The following SMPD4 variants were observed in gnomAD, a reference collection of about 807,000 sequenced individuals.
SMPD4 encodes the protein sphingomyelin phosphodiesterase 4, also known as neutral sphingomyelinase 3.
SMPD4 carries 58 observed loss-of-function variants against 97.8 expected under a neutral mutation model. The observed-to-expected ratio is 0.59, with a 90% CI of 0.48 to 0.74. The LOEUF is 0.74. Ranked by LOEUF, SMPD4 falls within the 30% of genes least tolerant of loss-of-function variation. The pLI, the probability that SMPD4 is intolerant of heterozygous loss-of-function variation, is 0.00. For missense variants in SMPD4, 853 were observed against 1,080.5 expected (o/e 0.79, Z 2.95); for synonymous variants, 388 against 450.0 (o/e 0.86, Z 1.74).
intron 3 of SMPD4, among the ~76,000 whole-genome samples, chr2:130,173,908 G>C (rs1558763100): frequency 6.6e-6 from 1 of 151,390 alleles, no homozygotes; most frequent in Non-Finnish European, 1.5e-5. Context: ...AAGTAAGTCA[G>C]CCTCCGATCA....
intron 17 of SMPD4, 125 bp downstream of exon 17, chr2:130,153,577 C>G (rs1338083209): frequency 6.4e-7 from 1 of 1,564,248 alleles, no homozygotes; most frequent in Non-Finnish European, 8.7e-7. Flanking sequence ...GGGCCTGCCT[C>G]CCACAACACT....
At chr2:130,181,692 C>A (rs1377200406), upstream of SMPD4, 1 of 1,548,474 alleles carries the variant, frequency 6.5e-7, no homozygotes, top group Non-Finnish European at 8.7e-7. Context: ...GTGCGCAAAG[C>A]GAAGGCCGGC....
intron 8 of SMPD4, among the ~76,000 whole-genome samples, chr2:130,170,037 C>CAAAAAAAAAAA (rs75700996): frequency 9.4e-6 from 1 of 106,472 alleles, no homozygotes. Context: ...CATATCTCCG[C>CAAAAAAAAAAA]AAAAAAAAAA....
chr2:130,176,663 C>G (rs765218386), intron 1 of SMPD4, 26 bp from the exon 2 acceptor site: 28 of 1,558,724 alleles, frequency 1.8e-5, no homozygotes, highest in Non-Finnish European at 1.8e-6. Flanking sequence ...GACAAAATCT[C>G]AACATCTGTA....
intron 1 of SMPD4, among the ~76,000 whole-genome samples, chr2:130,179,970 CTT>C (rs35799674): frequency 3.6e-4 from 49 of 135,736 alleles, no homozygotes; most frequent in Non-Finnish European, 4.2e-4. Flanking sequence ...CTTTTTTCTC[CTT>C]TTTTTTTTTT....
At chr2:130,161,304 G>A in intron 10 of SMPD4, 32 bp from the exon 11 acceptor site, 1 of 1,601,924 alleles carries the variant, frequency 6.2e-7, no homozygotes, top group South Asian at 1.1e-5. Context: ...TGCCGGAAGA[G>A]GCCGAAGAGC....
chr2:130,180,724 G>C (rs1470264204), intron 1 of SMPD4, among the ~76,000 whole-genome samples: 6 of 152,354 alleles, frequency 3.9e-5, no homozygotes, highest in Admixed American at 3.9e-4. Flanking sequence ...AGACGATGAA[G>C]GGGAGAGCAT....
intron 6 of SMPD4, 28 bp downstream of exon 6, chr2:130,172,759 T>A: frequency 6.2e-7 from 1 of 1,614,082 alleles, no homozygotes; most frequent in South Asian, 1.1e-5. Flanking sequence ...ACCCACAGCC[T>A]CCCTACCTCA....
At chr2:130,159,139 C>A (rs973630729) in intron 11 of SMPD4, among the ~76,000 whole-genome samples, 4 of 152,062 alleles carry the variant, frequency 2.6e-5, no homozygotes, top group Non-Finnish European at 4.4e-5. Flanking sequence ...GGAACACAGG[C>A]GCACACACCA....
At position 130,152,257 on chromosome 2, in the gene SMPD4, G is replaced by A; in HGVS notation, c.*298C>T. On this transcript the variant is annotated 3_prime_UTR_variant, in exon 20 of 20. Transcript: ENST00000680298. ...TAGCCAAATGGGCAGTGGAAAAAAGGCCCCGAGAGCTGGCTTGGCCGTGAG... is the reference window on the plus strand; with the variant it reads ...TAGCCAAATGGGCAGTGGAAAAAAGACCCCGAGAGCTGGCTTGGCCGTGAG... The A allele has an allele frequency of 3.1e-6, 1 of 319,728 alleles. No individual in the cohort carries two copies. The highest frequency in any genetic ancestry group is 5.8e-6 in the Non-Finnish European group (1 of 173,130). The allele number at this position is 319,728 out of a possible 1,614,324, so 19.8% of individuals were successfully genotyped here.
In SMPD4 at chr2:130,167,445, G is replaced by T. The variant is rs765391918; in HGVS notation, c.792+13C>A. ...CTGGCTGAACAGTTTCTTTTGACCA[G>T]CTCAACTCTCACCTGGAGCAGAGTT... On this transcript the variant is annotated intron_variant, in intron 9 of 19. Coordinates refer to ENST00000680298, the MANE Select transcript of SMPD4 (RefSeq NM_017951.5). 1 of 1,612,792 alleles carries T rather than the reference G, an allele frequency of 6.2e-7. No individual in the cohort carries two copies. The highest frequency in any genetic ancestry group is 8.5e-7 in the Non-Finnish European group (1 of 1,179,700).
intron 19 of SMPD4, 66 bp downstream of exon 19, chr2:130,152,977 G>A: frequency 1.3e-6 from 2 of 1,566,700 alleles, no homozygotes; most frequent in Non-Finnish European, 1.7e-6. Context: ...CCCCAGGACT[G>A]CACCCCAGGC....
At chr2:130,153,629 C>G (rs896517405) in intron 17 of SMPD4, 73 bp downstream of exon 17, 5 of 1,560,420 alleles carry the variant, frequency 3.2e-6, no homozygotes, top group Admixed American at 3.6e-5. Context: ...GGTGGCTGAC[C>G]ACAGGCTGGG....
rs746778279 is a variant in SMPD4 at position 130,155,127 on chromosome 2, G to C, written c.1422C>G (p.Ala474=). ...GAATCATCTCAGCCAGGTTGGGCTG[G>C]GCAAAGACTTTGGCCACTCGGAACA... is the stretch of plus-strand genomic sequence containing the variant. The part of the protein sequence containing the change: ...LMVFRVAKVF[A]QPNLAEMIQK... The change falls in exon 15 of 20, where the codon GCC becomes GCG. Residue 474 remains alanine, a synonymous_variant. Coordinates refer to ENST00000680298, the MANE Select transcript of SMPD4 (RefSeq NM_017951.5). The C allele has an allele frequency of 1.1e-5, 18 of 1,614,098 alleles. No individual in the cohort carries two copies. The highest frequency in any genetic ancestry group is 1.6e-4 in the Middle Eastern group (1 of 6,084).
intron 9 of SMPD4, among the ~76,000 whole-genome samples, chr2:130,166,460 T>C (rs974291157): frequency 1.1e-4 from 17 of 152,134 alleles, no homozygotes; most frequent in African/African-American, 4.1e-4. Flanking sequence ...CTGGGCATCA[T>C]GGTCCCCTCT....
rs147225657 is a variant in SMPD4, at chr2:130,154,474, G to A, written c.1462C>T (p.Leu488=). ...LAEMIQKGEQ[L]FLEPELVIPH... is the part of the protein sequence containing the mutation. ...ATGACCAGCTCTGGCTCCAGGAATA[G>A]CTGCTCACCTAGAAGGCAGGAGACG... The change falls in exon 16 of 20, where the codon CTA becomes TTA. Residue 488 remains leucine (L), a synonymous_variant. Transcript: ENST00000680298. The A allele has an allele frequency of 1.8e-4, 283 of 1,553,862 alleles. No individual in the cohort carries two copies. The highest frequency in any genetic ancestry group is 1.3e-3 in the Admixed American group (69 of 51,374).
At chr2:130,179,029 G>A (rs1689236943) in intron 1 of SMPD4, among the ~76,000 whole-genome samples, 1 of 152,158 alleles carries the variant, frequency 6.6e-6, no homozygotes, top group Non-Finnish European at 1.5e-5. Flanking sequence ...AGAGAGGCTG[G>A]GTGTAAAGAG....
At chr2:130,153,609 G>A (rs551813447) in intron 17 of SMPD4, 93 bp downstream of exon 17, 6 of 1,546,780 alleles carry the variant, frequency 3.9e-6, no homozygotes, top group African/African-American at 1.4e-5. Context: ...TGTGGGGCCT[G>A]GGACTGGTAG....
chr2:130,158,703 C>T (rs114583281), intron 11 of SMPD4, among the ~76,000 whole-genome samples: 1 of 152,086 alleles, frequency 6.6e-6, no homozygotes, highest in African/African-American at 2.4e-5. Context: ...GTGGGCGCAT[C>T]GAGAGTAGAC....
Sources: allele counts gnomAD v4.1 joint callset (sites outside exome capture counted in the v4.1 genomes callset), GRCh38; gene constraint gnomAD v4.1.1; transcripts MANE v1.5; gene names NCBI Gene and HGNC (gene_info 2026-07-23, HGNC 2026-07-21).